The following GALNT14 variants were observed in gnomAD, a reference collection of about 807,000 sequenced individuals.
GALNT14 encodes polypeptide N-acetylgalactosaminyltransferase 14.
GALNT14 carries 60 observed loss-of-function variants against 77.5 expected under a neutral mutation model. That is an observed-to-expected ratio of 0.77 (90% CI 0.63 to 0.96). The LOEUF is 0.96. Ranked by LOEUF, GALNT14 falls within the 40% of genes least tolerant of loss-of-function variation. The pLI is 0.00. For missense variants in GALNT14, 710 were observed against 731.0 expected, an observed-to-expected ratio of 0.97 and a Z score of 0.33; for synonymous variants, 280 against 281.7, an observed-to-expected ratio of 0.99 and a Z score of 0.06.
chr2:31,057,955 C>T (rs59416624), intron 1 of GALNT14, among the ~76,000 whole-genome samples: 46,450 of 151,846 alleles, frequency 0.31, 7,261 homozygotes, highest in East Asian at 0.44. Flanking sequence ...TGCTCAACAC[C>T]GCACCCTGGT....
chr2:30,903,851 G>A, the GALNT14 span, among the ~76,000 whole-genome samples: 2 of 152,204 alleles, frequency 1.3e-5, no homozygotes, highest in East Asian at 3.8e-4. Flanking sequence ...GGCAGAGAAG[G>A]TATGGGCATA....
At chr2:30,971,857 C>T (rs147480550) in intron 2 of GALNT14, among the ~76,000 whole-genome samples, 265 of 152,178 alleles carry the variant, frequency 1.7e-3, no homozygotes, top group African/African-American at 6.2e-3. Context: ...GCGTGCGATG[C>T]CTTTTATTTT....
At position 31,073,854 on chromosome 2, in the gene GALNT14, G is replaced by A. The variant is rs181549859; in HGVS notation, c.129+64104C>T. Among the ~76,000 whole-genome samples the A allele has an allele frequency of 3.6e-3, 544 of 152,294 alleles. 1 individual carries two copies. Among genetic ancestry groups the A allele is most frequent in the African/African-American group, 0.013 (526 of 41,568 alleles). ...GACTAAAAGGACACCGTTACAGACC[G>A]CTGGATGGTCCAAGTGAGAGAAGAT... On this transcript the variant is annotated intron_variant, in intron 1 of 14. Transcript: ENST00000349752.
At chr2:30,975,522 T>A (rs1668579436) in intron 2 of GALNT14, among the ~76,000 whole-genome samples, 1 of 152,244 alleles carries the variant, frequency 6.6e-6, no homozygotes, top group Non-Finnish European at 1.5e-5. Flanking sequence ...ATTGATCACA[T>A]GTCAAAATGT....
rs546550018 is a variant in GALNT14 at position 30,961,438 on chromosome 2, C to G, written c.399-2974G>C. Among the ~76,000 whole-genome samples, 6 of 152,282 alleles carry G rather than the reference C, an allele frequency of 3.9e-5. No individual in the cohort carries two copies. In the East Asian group the frequency reaches 9.6e-4, roughly 24 times the overall value. On this transcript the variant is annotated intron_variant, in intron 3 of 14. Transcript: ENST00000349752. ...ATCCACCATTCACTAGCTGGGAGAG[C>G]TTCAGTAAGTACTGAACCTTCAGCA...
intron 1 of GALNT14, among the ~76,000 whole-genome samples, chr2:31,024,596 A>G (rs1671929265): frequency 6.6e-6 from 1 of 152,106 alleles, no homozygotes; most frequent in Non-Finnish European, 1.5e-5. Context: ...ACTTGTCTGG[A>G]CCACCTTCCC....
At chr2:31,111,797 T>C (rs771885958) in intron 1 of GALNT14, among the ~76,000 whole-genome samples, 26 of 152,192 alleles carry the variant, frequency 1.7e-4, no homozygotes, top group Non-Finnish European at 2.9e-4. Flanking sequence ...TAGTCATATT[T>C]TTCTATGCAA....
At chr2:30,916,342 C>T (rs1016333757) in intron 13 of GALNT14, among the ~76,000 whole-genome samples, 2 of 152,194 alleles carry the variant, frequency 1.3e-5, no homozygotes, top group African/African-American at 4.8e-5. Context: ...CTCTTCTTTC[C>T]CAGTTCATCT....
At chr2:30,902,513 C>T in the GALNT14 span, among the ~76,000 whole-genome samples, 1 of 152,092 alleles carries the variant, frequency 6.6e-6, no homozygotes, top group African/African-American at 2.4e-5. Flanking sequence ...GCCAGGGGGA[C>T]AACTAAGCCA....
At chr2:30,991,815 C>T (rs1216144005) in intron 2 of GALNT14, among the ~76,000 whole-genome samples, 3 of 152,174 alleles carry the variant, frequency 2.0e-5, no homozygotes, top group Admixed American at 6.5e-5. Flanking sequence ...AGTCCGCCAG[C>T]CTTCACAGGG....
At chr2:30,932,411 G>A (rs1289134747) in intron 9 of GALNT14, among the ~76,000 whole-genome samples, 1 of 152,358 alleles carries the variant, frequency 6.6e-6, no homozygotes, top group East Asian at 1.9e-4. Context: ...CAGGGAAACA[G>A]TGCAAACCAA....
At chr2:30,988,224 A>C (rs751513127) in intron 2 of GALNT14, among the ~76,000 whole-genome samples, 5 of 152,212 alleles carry the variant, frequency 3.3e-5, no homozygotes, top group Non-Finnish European at 5.9e-5. Flanking sequence ...GGAGATGCTC[A>C]ACATGTTACT....
intron 1 of GALNT14, among the ~76,000 whole-genome samples, chr2:31,104,741 G>A (rs1677468821): frequency 6.6e-6 from 1 of 152,122 alleles, no homozygotes; most frequent in African/African-American, 2.4e-5. Flanking sequence ...CCAGATACAA[G>A]CCATGCATTC....
chr2:30,985,714 C>T lies in GALNT14; in HGVS notation c.299+7124G>A, dbSNP rs114378048. Among the ~76,000 whole-genome samples the T allele has an allele frequency of 6.1e-3, 933 of 152,304 alleles. 4 individuals carry two copies. The highest frequency in any genetic ancestry group is 0.021 in the African/African-American group (891 of 41,566). On this transcript the variant is annotated intron_variant, in intron 2 of 14. Coordinates refer to ENST00000349752, the MANE Select transcript of GALNT14 (RefSeq NM_024572.4). ...GAGTGAAGGCACTTAGGCCCACTAT[C>T]AACAGGCTCACATCCTGTATTGAAA... is the stretch of plus-strand genomic sequence containing the variant.
chr2:30,971,754 AC>A (rs1158603168), intron 2 of GALNT14, among the ~76,000 whole-genome samples: 3 of 145,566 alleles, frequency 2.1e-5, no homozygotes, highest in Admixed American at 2.1e-4. Flanking sequence ...CCCCCACAAC[AC>A]CCCCCACCCT....
chr2:31,073,342 G>C (rs534128865), intron 1 of GALNT14, among the ~76,000 whole-genome samples: 7 of 152,312 alleles, frequency 4.6e-5, no homozygotes, highest in African/African-American at 1.4e-4. Context: ...ACTATATGCA[G>C]ATATTGTTCT....
chr2:31,103,797 A>G (rs1677412439), intron 1 of GALNT14, among the ~76,000 whole-genome samples: 1 of 152,094 alleles, frequency 6.6e-6, no homozygotes, highest in Admixed American at 6.6e-5. Flanking sequence ...CTGTTCTTCT[A>G]ATCCTCATAC....
chr2:31,028,382 T>G (rs1168136693), intron 1 of GALNT14, among the ~76,000 whole-genome samples: 1 of 152,168 alleles, frequency 6.6e-6, no homozygotes, highest in Non-Finnish European at 1.5e-5. Context: ...ATCAGAACTC[T>G]CAGTCCATCC....
intron 1 of GALNT14, among the ~76,000 whole-genome samples, chr2:31,041,146 G>A (rs749766271): frequency 3.3e-5 from 5 of 152,116 alleles, no homozygotes; most frequent in Non-Finnish European, 7.3e-5. Context: ...CCTTCATACA[G>A]CCATTGGCAC....
Sources: allele counts gnomAD v4.1 joint callset (sites outside exome capture counted in the v4.1 genomes callset), GRCh38; gene constraint gnomAD v4.1.1; transcripts MANE v1.5; gene names NCBI Gene and HGNC (gene_info 2026-07-23, HGNC 2026-07-21).